TUBG1: variants seen among roughly 807,000 people sequenced by gnomAD.
TUBG1 encodes the protein tubulin gamma 1.
Under a neutral mutation model 53.3 loss-of-function variants are expected in TUBG1, and 22 were observed. The ratio of observed to expected loss-of-function variants is 0.41; its 90% CI spans 0.29 to 0.59. TUBG1 has a LOEUF of 0.59. Among genes scored for constraint, TUBG1 ranks in the 20% least tolerant of loss-of-function variants. The pLI is 0.26. For synonymous variants in TUBG1, 198 were observed against 236.7 expected, an observed-to-expected ratio of 0.84 and a Z score of 1.50; for missense variants, 217 against 598.9, an observed-to-expected ratio of 0.36 and a Z score of 6.66.
chr17:42,611,211 C>T (rs556199075), intron 3 of TUBG1: 2 of 152,260 alleles, frequency 1.3e-5, no homozygotes, highest in African/African-American at 2.4e-5. Context: ...ACCTCGTGAT[C>T]CACCTGCCTC....
rs1369212890 is a variant in TUBG1 at position 42,613,879 on chromosome 17, A to C, written c.724A>C (p.Thr242Pro). ...VSTIMSASTT[T>P]LRYPGYMNND... ...TACCATCATGTCAGCCAGCACCACC[A>C]CCCTGCGCTACCCTGGCTACATGAA... Residue 242 changes from threonine (T) to proline (P), a missense_variant, in exon 8 of 11, where the codon ACC (threonine) becomes CCC (proline). Thr to Pro is a conservative substitution (Grantham distance 38). This residue lies in a region of TUBG1 where 135 missense variants were observed against 371.2 expected (regional missense o/e 0.36). Coordinates refer to ENST00000251413, the MANE Select transcript of TUBG1 (RefSeq NM_001070.5). The C allele has an allele frequency of 6.2e-7, 1 of 1,613,974 alleles. No individual in the cohort carries two copies. The highest frequency in any genetic ancestry group is 8.5e-7 in the Non-Finnish European group (1 of 1,179,986).
intron 5 of TUBG1, 57 bp from the exon 6 acceptor site, chr17:42,612,890 G>A (rs2052047355): frequency 2.5e-6 from 4 of 1,603,784 alleles, no homozygotes; most frequent in East Asian, 2.2e-5. Flanking sequence ...GTTAGGGAGC[G>A]CCATGTTCAC....
chr17:42,612,042 G>A, intron 3 of TUBG1, 33 bp from the exon 4 acceptor site: 1 of 1,611,502 alleles, frequency 6.2e-7, no homozygotes, highest in Non-Finnish European at 8.5e-7. Context: ...CCATGGTTCT[G>A]TCCCACTCTG....
At position 42,610,389 on chromosome 17, in the gene TUBG1, C is replaced by G. The variant is rs766110043; in HGVS notation, c.163-34C>G. 3.9e-6 allele frequency: 6 copies of G among 1,544,784 alleles called. No individual in the cohort carries two copies. In the Admixed American group the frequency reaches 5.4e-5, roughly 14 times the overall value. ...GGACTTCGGACTTGGGCCGCCCTAG[C>G]TGATTGGGCCCCCTCCTGGACTCCC... On this transcript the variant is annotated intron_variant, in intron 2 of 10. Coordinates refer to ENST00000251413, the MANE Select transcript of TUBG1 (RefSeq NM_001070.5).
At chr17:42,612,396 C>T in intron 4 of TUBG1, 31 bp from the exon 5 acceptor site, 1 of 1,610,312 alleles carries the variant, frequency 6.2e-7, no homozygotes, top group Non-Finnish European at 8.5e-7. Flanking sequence ...CCACTAGATA[C>T]CTGTACACTG....
Position 42,614,791 on chromosome 17 carries a change from G to A in TUBG1, c.1159-53G>A. 5.0e-6 allele frequency: 8 copies of A among 1,612,062 alleles called. No individual in the cohort carries two copies. The highest frequency in any genetic ancestry group is 6.8e-6 in the Non-Finnish European group (8 of 1,178,668). ...CAGCCTTGGTTCCCCAGCTTTCTGG[G>A]CCACGTTATTCTTTGAAGTTCTTTG... On this transcript the variant is annotated intron_variant, in intron 10 of 10. Coordinates refer to ENST00000251413, the MANE Select transcript of TUBG1 (RefSeq NM_001070.5). The surrounding 1 kb of genome is among the most constrained non-coding windows in gnomAD (Gnocchi z 5.1).
intron 3 of TUBG1, chr17:42,610,943 C>A: frequency 4.5e-6 from 1 of 223,970 alleles, no homozygotes; most frequent in Non-Finnish European, 8.6e-6. Flanking sequence ...TGAAGACAGG[C>A]TGTTTTATAG....
rs746508313 is a variant in TUBG1 at position 42,613,124 on chromosome 17, G to T, written c.606+51G>T. On this transcript the variant is annotated intron_variant, in intron 6 of 10. Coordinates refer to ENST00000251413, the MANE Select transcript of TUBG1 (RefSeq NM_001070.5). Reference sequence around the variant, plus strand: ...AACTCTCAACACCCCATACCCACTCGAGTCTATTAAATCATTTTCATGTAT... The same window carrying T: ...AACTCTCAACACCCCATACCCACTCTAGTCTATTAAATCATTTTCATGTAT... 3 of 1,588,632 alleles carry T rather than the reference G, an allele frequency of 1.9e-6. No individual in the cohort carries two copies. The East Asian group carries it at 6.8e-5, about 36-fold the overall frequency.
In TUBG1 at chr17:42,614,280, C is replaced by T. The variant is rs148617516; in HGVS notation, c.864C>T (p.Thr288=). The change falls in exon 9 of 11, where the codon ACC becomes ACT. Residue 288 remains threonine, a synonymous_variant. Transcript: ENST00000251413. The surrounding 1 kb of genome is among the most constrained non-coding windows in gnomAD (Gnocchi z 5.1). ...ATCAGGTGGCCAGCGTGAGGAAGAC[C>T]ACGGTCCTGGATGTCATGAGGCGGC... ...TDQSVASVRK[T]TVLDVMRRLL... 1.3e-5 allele frequency: 21 copies of T among 1,613,836 alleles called. No homozygotes were observed. The highest frequency in any genetic ancestry group is 1.6e-5 in the Non-Finnish European group (19 of 1,179,870).
chr17:42,613,531 C>T, intron 6 of TUBG1, 116 bp from the exon 7 acceptor site: 1 of 1,507,462 alleles, frequency 6.6e-7, no homozygotes, highest in Non-Finnish European at 9.2e-7. Context: ...AATCTCTTTC[C>T]AGTGAGTCTT....
intron 3 of TUBG1, 42 bp downstream of exon 3, chr17:42,610,632 A>G: frequency 1.2e-6 from 2 of 1,613,850 alleles, no homozygotes; most frequent in Non-Finnish European, 1.7e-6. Context: ...CTCGCTGGGT[A>G]GGGACAGGCT....
intron 5 of TUBG1, 120 bp from the exon 6 acceptor site, chr17:42,612,827 G>C: frequency 2.1e-6 from 3 of 1,397,206 alleles, no homozygotes; most frequent in Non-Finnish European, 2.9e-6. Context: ...CTTCTCTACT[G>C]ATTTGACCCC....
chr17:42,612,602 G>A, intron 5 of TUBG1, 96 bp downstream of exon 5: 2 of 1,213,152 alleles, frequency 1.6e-6, no homozygotes, highest in South Asian at 2.5e-5. Flanking sequence ...GCTGGAACAG[G>A]AAAGAGTTCT....
Position 42,615,061 on chromosome 17 carries a change from C to T in TUBG1, c.*20C>T. On this transcript the variant is annotated 3_prime_UTR_variant, in exon 11 of 11. Coordinates refer to ENST00000251413, the MANE Select transcript of TUBG1 (RefSeq NM_001070.5). ...CAGTGAGTCCCCCAGGACAGGGACC[C>T]TCATCTGCCTTACTGGTTGGCCCAA... 1 of 1,613,182 alleles carries T rather than the reference C, an allele frequency of 6.2e-7. No individual in the cohort carries two copies. The highest frequency in any genetic ancestry group is 1.1e-5 in the South Asian group (1 of 91,002).
chr17:42,614,095 C>G lies in TUBG1; in HGVS notation c.843+97C>G. 6.3e-7 allele frequency: 1 copy of G among 1,594,576 alleles called. No homozygotes were observed. Among genetic ancestry groups the G allele is most frequent in the Non-Finnish European group, 8.6e-7 (1 of 1,169,566 alleles). On this transcript the variant is annotated intron_variant, in intron 8 of 10. Coordinates refer to ENST00000251413, the MANE Select transcript of TUBG1 (RefSeq NM_001070.5). The surrounding 1 kb of genome is among the most constrained non-coding windows in gnomAD (Gnocchi z 5.1). ...CTTCCCCACTGCCCCAGGAGCTACC[C>G]TTTGTGGACCCCAAGGCGCGGCGCT...
rs564643346 is a variant in TUBG1 at position 42,613,830 on chromosome 17, A to G, written c.694-19A>G. 10 of 1,614,008 alleles carry G rather than the reference A, an allele frequency of 6.2e-6. No homozygotes were observed. Among genetic ancestry groups the G allele is most frequent in the Middle Eastern group, 1.6e-4 (1 of 6,062 alleles). ...TCCCACCCAGGCTGAGGCCCATAAC[A>G]TGGCACGCCTGTCCCCAGGTGTCTA... On this transcript the variant is annotated intron_variant, in intron 7 of 10. Coordinates refer to ENST00000251413, the MANE Select transcript of TUBG1 (RefSeq NM_001070.5).
Position 42,614,973 on chromosome 17 carries a change from C to T in TUBG1, c.1288C>T (p.Gln430Ter). 1.2e-6 allele frequency: 2 copies of T among 1,614,206 alleles called. No individual in the cohort carries two copies. The highest frequency in any genetic ancestry group is 1.1e-5 in the South Asian group (1 of 91,082). Reference sequence around the variant, plus strand: ...GGACACATCCAGGGAGATTGTGCAGCAGCTCATCGATGAGTACCATGCGGC... The same window carrying T: ...GGACACATCCAGGGAGATTGTGCAGTAGCTCATCGATGAGTACCATGCGGC... Reference protein sequence around the residue: ...EMDTSREIVQQLIDEYHAATR... With the variant: ...EMDTSREIVQ The change falls in exon 11 of 11, where the codon CAG (glutamine) becomes TAG (stop). Residue 430 changes from glutamine (Q) to a stop codon, truncating the protein, a stop_gained. Transcript: ENST00000251413. LOFTEE classifies it high-confidence loss of function. The surrounding 1 kb of genome is among the most constrained non-coding windows in gnomAD (Gnocchi z 5.1).
rs1176358376 is a variant in TUBG1 at position 42,613,644 on chromosome 17, C to T, written c.607-3C>T. The T allele has an allele frequency of 1.3e-5, 21 of 1,614,006 alleles. No homozygotes were observed. The highest frequency in any genetic ancestry group is 1.7e-5 in the Non-Finnish European group (20 of 1,180,034). ...GATCTGTGATCCTCTTCTGTCCCCC[C>T]AGGTGGTGCTGGACAACACAGCCCT... On this transcript the variant is annotated splice_region_variant and splice_polypyrimidine_tract_variant and intron_variant, in intron 6 of 10. Coordinates refer to ENST00000251413, the MANE Select transcript of TUBG1 (RefSeq NM_001070.5).
Position 42,614,457 on chromosome 17 carries a change from G to T in TUBG1, c.997-39G>T. The T allele has an allele frequency of 2.5e-6, 4 of 1,614,132 alleles. No individual in the cohort carries two copies. The highest frequency in any genetic ancestry group is 3.4e-6 in the Non-Finnish European group (4 of 1,179,994). Reference sequence around the variant, plus strand: ...CCCACACCCTGGACCTGCAGGGGTAGAGGAGAGGCCACCTCCACTGCTCCT... The same window carrying T: ...CCCACACCCTGGACCTGCAGGGGTATAGGAGAGGCCACCTCCACTGCTCCT... On this transcript the variant is annotated intron_variant, in intron 9 of 10. Coordinates refer to ENST00000251413, the MANE Select transcript of TUBG1 (RefSeq NM_001070.5). This position sits in a 1 kb window ranked among gnomAD's most constrained non-coding sequence, Gnocchi z 5.1.
Sources: gnomAD v4.1 joint callset for allele counts on GRCh38, gnomAD v4.1.1 for gene constraint, gnomAD v4.1.1 regional missense constraint, Gnocchi (gnomAD v3.1) non-coding constraint, MANE v1.5 for transcripts, NCBI Gene and HGNC (gene_info 2026-07-23, HGNC 2026-07-21) for gene names.